FADS2: variants seen among roughly 807,000 people sequenced by gnomAD.
The protein encoded by FADS2 is acyl-CoA 6-desaturase.
In FADS2, 18 loss-of-function variants were observed where a neutral mutation model predicts 61.2. The observed-to-expected ratio is 0.29, with a 90% CI of 0.20 to 0.44. FADS2 has a LOEUF of 0.44. Among genes scored for constraint, FADS2 ranks in the 20% least tolerant of loss-of-function variants. The pLI, the probability that FADS2 is intolerant of heterozygous loss-of-function variation, is 1.00. For synonymous variants in FADS2, 203 were observed against 223.9 expected, an observed-to-expected ratio of 0.91 and a Z score of 0.83; for missense variants, 322 against 572.7, an observed-to-expected ratio of 0.56 and a Z score of 4.47.
chr11:61,863,393 G>A lies in FADS2; in HGVS notation c.1077+15G>A, dbSNP rs772409199. Reference sequence around the variant, plus strand: ...TCAGTAGCCAGGTAGGGAAGTCAGGGCCGGTCACCAGAGCCTGGTCCCAAT... The same window carrying A: ...TCAGTAGCCAGGTAGGGAAGTCAGGACCGGTCACCAGAGCCTGGTCCCAAT... On this transcript the variant is annotated intron_variant, in intron 9 of 11. Transcript: ENST00000278840. 6.3e-7 allele frequency: 1 copy of A among 1,576,202 alleles called. No homozygotes were observed. The highest frequency in any genetic ancestry group is 8.7e-7 in the Non-Finnish European group (1 of 1,145,640).
rs1160985511 is a variant in FADS2 at position 61,865,983 on chromosome 11, G to A, written c.*294G>A. On this transcript the variant is annotated 3_prime_UTR_variant, in exon 12 of 12. Coordinates refer to ENST00000278840, the MANE Select transcript of FADS2 (RefSeq NM_004265.4). This position sits in a 1 kb window ranked among gnomAD's most constrained non-coding sequence, Gnocchi z 4.1. ...AGAGGTGGCCACCGGGGGTGGCTCT[G>A]TCCTACCTCCACTCTCTGCCCCTAA... 2 of 494,638 alleles carry A rather than the reference G, an allele frequency of 4.0e-6. No individual in the cohort carries two copies. The highest frequency in any genetic ancestry group is 7.2e-6 in the Non-Finnish European group (2 of 277,848). 30.6% of individuals were successfully genotyped at this position (494,638 alleles called of 1,614,324 possible).
At chr11:61,820,454 C>T (rs2067028767) in intron 1 of FADS2, among the ~76,000 whole-genome samples, 1 of 152,086 alleles carries the variant, frequency 6.6e-6, no homozygotes, top group South Asian at 2.1e-4. Flanking sequence ...ATTCATGTTT[C>T]TTTGCTTTTC....
At chr11:61,821,529 C>A in intron 1 of FADS2, 1 of 670,774 alleles carries the variant, frequency 1.5e-6, no homozygotes, top group East Asian at 2.7e-5. Flanking sequence ...TGGCCAATAG[C>A]CTGGATCCTT....
chr11:61,853,074 G>A (rs1377450040), intron 5 of FADS2, among the ~76,000 whole-genome samples: 3 of 152,306 alleles, frequency 2.0e-5, no homozygotes, highest in Admixed American at 6.5e-5. Context: ...AGAATCGCTT[G>A]AACCTGGGAG....
chr11:61,834,698 C>A (rs536954895), intron 1 of FADS2, among the ~76,000 whole-genome samples: 1 of 152,300 alleles, frequency 6.6e-6, no homozygotes, highest in African/African-American at 2.4e-5. Flanking sequence ...TAGTTATCAG[C>A]CACTGCAGCT....
At position 61,816,890 on chromosome 11, in the gene FADS2, C is replaced by G. The variant is rs2066990687; in HGVS notation, c.141+464C>G. On this transcript the variant is annotated intron_variant, in intron 1 of 11. Transcript: ENST00000257261. The surrounding 1 kb of genome is among the most constrained non-coding windows in gnomAD (Gnocchi z 7.0). ...CGCCTGCGCGCCGGGTTTTCAGCAC[C>G]GCAGGGCAGACCGGCGGGCCTCGCA... The G allele has an allele frequency of 6.9e-7, 1 of 1,456,972 alleles. No homozygotes were observed. The highest frequency in any genetic ancestry group is 1.3e-5 in the South Asian group (1 of 74,110). The allele number at this position is 1,456,972 out of a possible 1,614,324, so 90.3% of individuals were successfully genotyped here.
chr11:61,848,036 G>T (rs535242488), intron 4 of FADS2, 123 bp from the exon 5 acceptor site: 2 of 1,148,206 alleles, frequency 1.7e-6, no homozygotes, highest in African/African-American at 1.5e-5. Flanking sequence ...GCCTTGTGGG[G>T]GCCTGAAGTG....
chr11:61,828,684 G>T lies in FADS2; in HGVS notation c.207+87G>T, dbSNP rs2067102832. On this transcript the variant is annotated intron_variant, in intron 1 of 11. Coordinates refer to ENST00000278840, the MANE Select transcript of FADS2 (RefSeq NM_004265.4). The surrounding 1 kb of genome is among the most constrained non-coding windows in gnomAD (Gnocchi z 6.4). ...CTCCCCGTGGGCCAAACAGACCTCC[G>T]GCGCTGAATGGAGCTTGGGACGTCC... is the stretch of plus-strand genomic sequence containing the variant. 1.7e-6 allele frequency: 2 copies of T among 1,189,158 alleles called. No homozygotes were observed. The highest frequency in any genetic ancestry group is 1.2e-6 in the Non-Finnish European group (1 of 831,122). 73.7% of individuals were successfully genotyped at this position (1,189,158 alleles called of 1,614,324 possible).
At chr11:61,818,734 A>C (rs2067010235) in intron 1 of FADS2, among the ~76,000 whole-genome samples, 1 of 152,222 alleles carries the variant, frequency 6.6e-6, no homozygotes, top group African/African-American at 2.4e-5. Context: ...ATGGGTATTA[A>C]ATAACAGAAG....
At chr11:61,849,991 C>T (rs945509992) in intron 5 of FADS2, among the ~76,000 whole-genome samples, 1 of 152,094 alleles carries the variant, frequency 6.6e-6, no homozygotes, top group Non-Finnish European at 1.5e-5. Context: ...ATGATTGCAC[C>T]ACTGCACTCC....
chr11:61,865,387 T>C lies in FADS2; in HGVS notation c.1283+110T>C. The C allele has an allele frequency of 7.3e-7, 1 of 1,366,030 alleles. No individual in the cohort carries two copies. 84.6% of individuals were successfully genotyped at this position (1,366,030 alleles called of 1,614,324 possible). A position where few individuals can be genotyped will look rare whatever the true frequency, so the allele number is the denominator to read the frequency against. The stretch of plus-strand genomic sequence containing the variant: ...TGGCACAGTCACCCACCAGGGCACC[T>C]GCCTTACTCCCGAGCCTGTGTTAGG... On this transcript the variant is annotated intron_variant, in intron 11 of 11. Transcript: ENST00000278840. The surrounding 1 kb of genome is among the most constrained non-coding windows in gnomAD (Gnocchi z 4.1).
upstream of FADS2, among the ~76,000 whole-genome samples, chr11:61,824,333 G>C (rs2067052930): frequency 6.7e-6 from 1 of 148,804 alleles, no homozygotes; most frequent in African/African-American, 2.5e-5. Context: ...AGTGAGCCAA[G>C]ATTGCACCAC....
chr11:61,861,150 C>T (rs1306748787), intron 7 of FADS2, among the ~76,000 whole-genome samples: 11 of 151,762 alleles, frequency 7.2e-5, no homozygotes, highest in African/African-American at 2.2e-4. Flanking sequence ...GTCAGGAGAT[C>T]GAGACCATCC....
chr11:61,855,225 A>T (rs993833083), intron 5 of FADS2: 8 of 152,260 alleles, frequency 5.3e-5, no homozygotes, highest in African/African-American at 1.7e-4. Flanking sequence ...CCCGAGAGGG[A>T]TGGGATGCTC....
intron 5 of FADS2, among the ~76,000 whole-genome samples, chr11:61,852,337 T>C (rs2035657515): frequency 6.6e-6 from 1 of 152,234 alleles, no homozygotes; most frequent in Admixed American, 6.6e-5. Flanking sequence ...CTCGGTTCAC[T>C]GCAGCCTCAA....
Position 61,863,147 on chromosome 11 carries a change from C to T in FADS2, c.980+78C>T, listed in dbSNP as rs1019357850. 1.3e-5 allele frequency: 19 copies of T among 1,478,610 alleles called. 1 individual carries two copies. The highest frequency in any genetic ancestry group is 1.7e-4 in the Middle Eastern group (1 of 5,802). The allele number at this position is 1,478,610 out of a possible 1,614,324, so 91.6% of individuals were successfully genotyped here. ...GCTTTGGCATGAGAAGAGGCTCGGACGGCTCCACTTTGCCTGGGGACCTCC... is the reference window on the plus strand; with the variant it reads ...GCTTTGGCATGAGAAGAGGCTCGGATGGCTCCACTTTGCCTGGGGACCTCC... On this transcript the variant is annotated intron_variant, in intron 8 of 11. Transcript: ENST00000278840.
At chr11:61,853,302 T>TCCTTCCTTCCTTCCTC (rs1565334610) in intron 5 of FADS2, among the ~76,000 whole-genome samples, 3 of 119,168 alleles carry the variant, frequency 2.5e-5, no homozygotes, top group African/African-American at 1.1e-4. Flanking sequence ...CTTCCTTCCT[T>TCCTTCCTTCCTTCCTC]CCTTCCTTCC....
intron 4 of FADS2, among the ~76,000 whole-genome samples, chr11:61,843,287 G>A (rs1229504565): frequency 4.6e-5 from 7 of 152,168 alleles, no homozygotes; most frequent in South Asian, 2.1e-4. Flanking sequence ...AGAATTAGCC[G>A]GGGATGGTGG....
chr11:61,823,048 G>T (rs2067046247), intron 1 of FADS2, among the ~76,000 whole-genome samples: 1 of 152,212 alleles, frequency 6.6e-6, no homozygotes, highest in Admixed American at 6.5e-5. Flanking sequence ...CGAGCACTTA[G>T]TATGCATTCC....
Sources: gnomAD v4.1 joint callset for allele counts (sites outside exome capture counted in the v4.1 genomes callset) on GRCh38, gnomAD v4.1.1 for gene constraint, Gnocchi (gnomAD v3.1) non-coding constraint, MANE v1.5 for transcripts, NCBI Gene and HGNC (gene_info 2026-07-23, HGNC 2026-07-21) for gene names.